TPTE2: variants seen among roughly 807,000 people sequenced by gnomAD.
TPTE2 encodes the protein transmembrane phosphoinositide 3-phosphatase and tensin homolog 2, also known as phosphatidylinositol 3,4,5-trisphosphate 3-phosphatase TPTE2.
A neutral mutation model predicts 78.6 loss-of-function variants in TPTE2; 53 were observed. That is an observed-to-expected ratio of 0.67 (90% CI 0.54 to 0.85). The LOEUF (loss-of-function observed/expected upper bound fraction) is 0.85. Among genes scored for constraint, TPTE2 ranks in the 40% least tolerant of loss-of-function variants. TPTE2 has a pLI of 0.00. For missense variants in TPTE2, 461 were observed against 623.0 expected (o/e 0.74, Z 2.77); for synonymous variants, 175 against 206.2 (o/e 0.85, Z 1.30).
upstream of TPTE2, among the ~76,000 whole-genome samples, chr13:19,539,778 A>C (rs1398730329): frequency 6.6e-6 from 1 of 152,142 alleles, no homozygotes; most frequent in Non-Finnish European, 1.5e-5. Flanking sequence ...CTTTTTCAAG[A>C]GTATTTTGGC....
chr13:19,444,027 G>A (rs540862961), intron 13 of TPTE2, among the ~76,000 whole-genome samples: 4 of 151,908 alleles, frequency 2.6e-5, no homozygotes, highest in African/African-American at 7.3e-5. Context: ...GGCTGGGCAC[G>A]GTGGCTCAGA....
At chr13:19,473,866 A>G in intron 6 of TPTE2, 48 bp downstream of exon 9, 1 of 1,491,772 alleles carries the variant, frequency 6.7e-7, no homozygotes, top group South Asian at 1.4e-5. Context: ...AGTGCTTCTT[A>G]TAAAAGTACA....
intron 4 of TPTE2, among the ~76,000 whole-genome samples, chr13:19,479,818 C>T (rs1009192656): frequency 1.5e-4 from 23 of 151,932 alleles, no homozygotes; most frequent in African/African-American, 5.6e-4. Context: ...AAAAAATTAG[C>T]TGGGCGTGGT....
rs1881127125 is a variant in TPTE2 at position 19,493,433 on chromosome 13, C to T, written c.65+15G>A. ...TATGCTGACGGGTGACTTTATTTAA[C>T]TATTTATTACTTACCTTTCTTTCGC... On this transcript the variant is annotated intron_variant, in intron 2 of 19. Transcript: ENST00000400230. 5 of 1,613,306 alleles carry T rather than the reference C, an allele frequency of 3.1e-6. No homozygotes were observed. The highest frequency in any genetic ancestry group is 4.2e-6 in the Non-Finnish European group (5 of 1,179,560).
chr13:19,438,482 C>T, intron 13 of TPTE2: 7 of 971,368 alleles, frequency 7.2e-6, no homozygotes, highest in Non-Finnish European at 8.6e-6. Flanking sequence ...GAAAAATTCC[C>T]ACCTCATTTA....
At chr13:19,464,365 G>A (rs1879125344) in intron 10 of TPTE2, 91 bp downstream of exon 13, 1 of 1,243,934 alleles carries the variant, frequency 8.0e-7, no homozygotes, top group African/African-American at 1.5e-5. Flanking sequence ...ATTTTTAAAA[G>A]AATACTGCCA....
At chr13:19,517,324 A>G (rs1869857999) in intron 1 of TPTE2, among the ~76,000 whole-genome samples, 1 of 152,146 alleles carries the variant, frequency 6.6e-6, no homozygotes, top group South Asian at 2.1e-4. Context: ...TTAGTTCCCA[A>G]AACCAAGCTT....
At chr13:19,439,568 T>C (rs1411234328) in intron 13 of TPTE2, among the ~76,000 whole-genome samples, 1 of 152,192 alleles carries the variant, frequency 6.6e-6, no homozygotes, top group Non-Finnish European at 1.5e-5. Flanking sequence ...CTGAATGTAG[T>C]GACACTACCA....
intron 1 of TPTE2, among the ~76,000 whole-genome samples, chr13:19,524,849 C>T (rs909343272): frequency 1.3e-5 from 2 of 152,254 alleles, no homozygotes; most frequent in Non-Finnish European, 2.9e-5. Context: ...CATGGAAGCA[C>T]TGAATAGCAG....
At chr13:19,514,432 C>G (rs1221192124) in intron 1 of TPTE2, among the ~76,000 whole-genome samples, 1 of 151,966 alleles carries the variant, frequency 6.6e-6, no homozygotes, top group Non-Finnish European at 1.5e-5. Context: ...CATAACTCTA[C>G]CAAAGAGTAA....
At chr13:19,464,556 T>A in intron 9 of TPTE2, 36 bp from the exon 13 acceptor site, 2 of 1,594,056 alleles carry the variant, frequency 1.3e-6, no homozygotes, top group Non-Finnish European at 1.7e-6. Context: ...CAAACATTAT[T>A]ATAGATTTCA....
At chr13:19,501,067 T>A (rs1868503257) in intron 1 of TPTE2, among the ~76,000 whole-genome samples, 1 of 49,098 alleles carries the variant, frequency 2.0e-5, no homozygotes, top group African/African-American at 8.4e-5. Flanking sequence ...TCAAAGAGAA[T>A]AAAATACCTA....
chr13:19,440,632 T>C (rs1877425615), intron 13 of TPTE2, among the ~76,000 whole-genome samples: 1 of 151,992 alleles, frequency 6.6e-6, no homozygotes, highest in Non-Finnish European at 1.5e-5. Flanking sequence ...TAGCCAGGCA[T>C]GGTGGTGCAC....
upstream of TPTE2, among the ~76,000 whole-genome samples, chr13:19,506,309 C>T (rs1869031327): frequency 6.8e-6 from 1 of 148,098 alleles, no homozygotes; most frequent in East Asian, 2.0e-4. Flanking sequence ...GTAGCTGGGA[C>T]TACAGGCGCC....
intron 15 of TPTE2, among the ~76,000 whole-genome samples, chr13:19,432,996 C>T (rs908686733): frequency 1.3e-5 from 2 of 152,186 alleles, no homozygotes; most frequent in African/African-American, 4.8e-5. Flanking sequence ...CAGAGGAATA[C>T]CTCCAAACCT....
intron 1 of TPTE2, among the ~76,000 whole-genome samples, chr13:19,528,786 G>A (rs1398684098): frequency 6.6e-6 from 1 of 152,152 alleles, no homozygotes; most frequent in South Asian, 2.1e-4. Context: ...GACGGTTGGT[G>A]GCCACAAGTC....
At chr13:19,495,528 G>A (rs1316994631) in intron 1 of TPTE2, among the ~76,000 whole-genome samples, 1 of 152,110 alleles carries the variant, frequency 6.6e-6, no homozygotes, top group East Asian at 1.9e-4. Context: ...AAAGAACATT[G>A]CATACAAAGC....
chr13:19,478,160 A>G (rs999660092), intron 4 of TPTE2, among the ~76,000 whole-genome samples: 9 of 152,172 alleles, frequency 5.9e-5, no homozygotes, highest in African/African-American at 2.2e-4. Context: ...ATTGACAAAC[A>G]GGATCTAATT....
At chr13:19,451,662 T>C (rs188344123) in intron 10 of TPTE2, among the ~76,000 whole-genome samples, 1 of 152,204 alleles carries the variant, frequency 6.6e-6, no homozygotes, top group African/African-American at 2.4e-5. Flanking sequence ...AACAAATAAA[T>C]GCAAAAAGTA....
Sources: allele counts gnomAD v4.1 joint callset (sites outside exome capture counted in the v4.1 genomes callset), GRCh38; gene constraint gnomAD v4.1.1; transcripts MANE v1.5; gene names NCBI Gene and HGNC (gene_info 2026-07-23, HGNC 2026-07-21).